ZFAND5: variants seen among roughly 807,000 people sequenced by gnomAD.
ZFAND5 encodes zinc finger AN1-type containing 5, also known as AN1-type zinc finger protein 5.
ZFAND5 carries 4 observed loss-of-function variants against 23.6 expected under a neutral mutation model. The ratio of observed to expected loss-of-function variants is 0.17; its 90% CI spans 0.08 to 0.39. ZFAND5 has a LOEUF of 0.39. Among genes scored for constraint, ZFAND5 ranks in the 10% least tolerant of loss-of-function variants. The probability of loss-of-function intolerance (pLI) is 1.00; values close to 1 mark genes in which losing one functional copy is unlikely to be tolerated. For synonymous variants in ZFAND5, 68 were observed against 80.6 expected, an observed-to-expected ratio of 0.84 and a Z score of 0.84; for missense variants, 161 against 253.7, an observed-to-expected ratio of 0.63 and a Z score of 2.48.
In ZFAND5 at chr9:72,357,192, A is replaced by T. The variant is rs540800856; in HGVS notation, c.368-136T>A. On this transcript the variant is annotated intron_variant, in intron 5 of 6. Transcript: ENST00000376962. ...AGTATTCCTTGAAAATACAAGCTTT[A>T]AACAGAATCTTCCATTTTAACATCA... 3.6e-5 allele frequency: 39 copies of T among 1,070,694 alleles called. No homozygotes were observed. The South Asian group carries it at 6.7e-4, about 18-fold the overall frequency. 66.3% of individuals were successfully genotyped at this position (1,070,694 alleles called of 1,614,324 possible).
Position 72,356,119 on chromosome 9 carries a change from T to C in ZFAND5, c.494-18A>G, listed in dbSNP as rs1445756065. ...GTCAAACCCTGTACAAACGAAGAAG[T>C]AGAGTCATTTGAGAACTTGAGGCAA... On this transcript the variant is annotated intron_variant, in intron 6 of 6. Coordinates refer to ENST00000376962, the MANE Select transcript of ZFAND5 (RefSeq NM_001102420.3). The C allele has an allele frequency of 1.3e-6, 2 of 1,593,736 alleles. No homozygotes were observed. Among genetic ancestry groups the C allele is most frequent in the African/African-American group, 1.4e-5 (1 of 73,356 alleles).
Position 72,356,111 on chromosome 9 carries a change from C to G in ZFAND5, c.494-10G>C, listed in dbSNP as rs192048027. The G allele has an allele frequency of 1.9e-6, 3 of 1,599,696 alleles. No individual in the cohort carries two copies. Among genetic ancestry groups the G allele is most frequent in the Non-Finnish European group, 2.6e-6 (3 of 1,175,752 alleles). On this transcript the variant is annotated splice_polypyrimidine_tract_variant and intron_variant, in intron 6 of 6. Coordinates refer to ENST00000376962, the MANE Select transcript of ZFAND5 (RefSeq NM_001102420.3). ...CATCGGCAGTCAAACCCTGTACAAA[C>G]GAAGAAGTAGAGTCATTTGAGAACT...
chr9:72,361,001 T>G (rs769356140), intron 2 of ZFAND5, among the ~76,000 whole-genome samples: 1 of 152,180 alleles, frequency 6.6e-6, no homozygotes, highest in Admixed American at 6.5e-5. Flanking sequence ...AAAAGAAATT[T>G]TATCAATTAT....
In ZFAND5 at chr9:72,354,327, CTTGA is replaced by C. The variant is rs1402714102; in HGVS notation, c.*1622_*1625del. ...ATACCTGCAAATGCTTCTAATATCTCTTGATTATCACTTGAACAAGTTCAGCGAT... is the reference window on the plus strand; with the variant it reads ...ATACCTGCAAATGCTTCTAATATCTCTTATCACTTGAACAAGTTCAGCGAT... On this transcript the variant is annotated 3_prime_UTR_variant, in exon 7 of 7. Coordinates refer to ENST00000376962, the MANE Select transcript of ZFAND5 (RefSeq NM_001102420.3). 7.9e-5 allele frequency: 12 copies of C among 152,390 alleles called. No individual in the cohort carries two copies. The highest frequency in any genetic ancestry group is 6.2e-4 in the South Asian group (3 of 4,834). The allele number at this position is 152,390 out of a possible 1,614,324, so 9.4% of individuals were successfully genotyped here. A position where few individuals can be genotyped will look rare whatever the true frequency, so the allele number is the denominator to read the frequency against.
chr9:72,358,649 G>GT (rs1842010082), intron 5 of ZFAND5, among the ~76,000 whole-genome samples: 1 of 152,202 alleles, frequency 6.6e-6, no homozygotes, highest in East Asian at 1.9e-4. Context: ...CCTTAACTTT[G>GT]TAAGATTAAT....
Position 72,353,328 on chromosome 9 carries a change from T to C in ZFAND5, c.*2625A>G, listed in dbSNP as rs1841827071. 6.6e-6 allele frequency: 1 copy of C among 152,010 alleles called. No homozygotes were observed. The highest frequency in any genetic ancestry group is 6.6e-5 in the Admixed American group (1 of 15,254). 9.4% of individuals were successfully genotyped at this position (152,010 alleles called of 1,614,324 possible). A position where few individuals can be genotyped will look rare whatever the true frequency, so the allele number is the denominator to read the frequency against. On this transcript the variant is annotated 3_prime_UTR_variant, in exon 7 of 7. Transcript: ENST00000376962. ...TCAATGGACAACCCTGACAAATCTT[T>C]GTTCTGATCTGGTTTAATGTTTCTT...
At chr9:72,360,921 G>A (rs1842077212) in intron 2 of ZFAND5, 134 bp from the exon 3 acceptor site, 2 of 767,004 alleles carry the variant, frequency 2.6e-6, no homozygotes, top group East Asian at 3.1e-5. Flanking sequence ...AAAAAGGGTG[G>A]GCAGAGATAA....
In ZFAND5 at chr9:72,355,637, C is replaced by A. The variant is rs1253733565; in HGVS notation, c.*316G>T. ...TCCCAAAAGGCAGATATGCTGCAAA[C>A]ATGCAGAGATTTCATTTATTTTGTT... is the stretch of plus-strand genomic sequence containing the variant. On this transcript the variant is annotated 3_prime_UTR_variant, in exon 7 of 7. Coordinates refer to ENST00000376962, the MANE Select transcript of ZFAND5 (RefSeq NM_001102420.3). 2 of 186,236 alleles carry A rather than the reference C, an allele frequency of 1.1e-5. No homozygotes were observed. Among genetic ancestry groups the A allele is most frequent in the African/African-American group, 4.7e-5 (2 of 42,524 alleles). 11.5% of individuals were successfully genotyped at this position (186,236 alleles called of 1,614,324 possible).
intron 6 of ZFAND5, 103 bp from the exon 7 acceptor site, chr9:72,356,204 A>G: frequency 7.1e-7 from 1 of 1,399,994 alleles, no homozygotes; most frequent in Non-Finnish European, 9.7e-7. Context: ...ATTGCTTTGT[A>G]ACATAAAAGA....
intron 5 of ZFAND5, among the ~76,000 whole-genome samples, chr9:72,357,681 G>T (rs568545592): frequency 1.3e-5 from 2 of 151,930 alleles, no homozygotes; most frequent in African/African-American, 4.8e-5. Context: ...AAAACAGATC[G>T]GCAAACAGTC....
intron 6 of ZFAND5, 103 bp downstream of exon 6, chr9:72,356,823 CTTTTT>C (rs34407229): frequency 2.8e-4 from 316 of 1,117,988 alleles, no homozygotes; most frequent in South Asian, 2.8e-3. Flanking sequence ...GCTAGTCAGG[CTTTTT>C]TTTTTTTTTT....
chr9:72,356,451 C>T (rs1168803794), intron 6 of ZFAND5, among the ~76,000 whole-genome samples: 2 of 152,190 alleles, frequency 1.3e-5, no homozygotes, highest in African/African-American at 2.4e-5. Context: ...CTCCCTCTAT[C>T]GACTCCTGTA....
At chr9:72,360,259 C>G (rs569200403) in intron 3 of ZFAND5, 38 bp from the exon 4 acceptor site, 1 of 1,526,220 alleles carries the variant, frequency 6.6e-7, no homozygotes. Context: ...CCAATGAACA[C>G]TACAAAAACT....
chr9:72,362,352 C>T (rs886456374), intron 2 of ZFAND5, among the ~76,000 whole-genome samples: 2 of 151,988 alleles, frequency 1.3e-5, no homozygotes, highest in African/African-American at 4.8e-5. Context: ...ATTTGCATGC[C>T]CACCACGCAC....
intron 1 of ZFAND5, 44 bp from the exon 2 acceptor site, chr9:72,363,650 T>A (rs764646615): frequency 1.0e-6 from 1 of 983,528 alleles, no homozygotes; most frequent in Admixed American, 6.1e-5. Context: ...AATCCTTAAT[T>A]TTTTAGGGGG....
In ZFAND5 at chr9:72,360,656, C is replaced by A; in HGVS notation, c.123G>T (p.Gln41His). 1 of 1,613,966 alleles carries A rather than the reference C, an allele frequency of 6.2e-7. No individual in the cohort carries two copies. Among genetic ancestry groups the A allele is most frequent in the East Asian group, 2.2e-5 (1 of 44,884 alleles). ...SVCYKEHLQR[Q>H]QNSGRMSPMG... is the part of the protein sequence containing the mutation. ...TTGGGCTCATTCTGCCACTATTTTG[C>A]TGCCTCTGAAGATGTTCTTTGTAGC... Residue 41 changes from glutamine (Q) to histidine (H), a missense_variant, in exon 3 of 7, where the codon CAG becomes CAT. Gln to His is a conservative substitution (Grantham distance 24). Transcript: ENST00000376962.
Position 72,355,885 on chromosome 9 carries a change from G to A in ZFAND5, c.*68C>T. 2 of 1,455,648 alleles carry A rather than the reference G, an allele frequency of 1.4e-6. No homozygotes were observed. Among genetic ancestry groups the A allele is most frequent in the Non-Finnish European group, 1.9e-6 (2 of 1,075,486 alleles). The allele number at this position is 1,455,648 out of a possible 1,614,324, so 90.2% of individuals were successfully genotyped here. A position where few individuals can be genotyped will look rare whatever the true frequency, so the allele number is the denominator to read the frequency against. ...ATCAAAGAAAAATGGCCATGCATCTGCTCTTTAATGTTTTCCTACGATATA... is the reference window on the plus strand; with the variant it reads ...ATCAAAGAAAAATGGCCATGCATCTACTCTTTAATGTTTTCCTACGATATA... On this transcript the variant is annotated 3_prime_UTR_variant, in exon 7 of 7. Transcript: ENST00000376962.
At chr9:72,364,551 G>T in intron 1 of ZFAND5, 145 bp downstream of exon 1, 1 of 1,273,534 alleles carries the variant, frequency 7.9e-7, no homozygotes, top group Non-Finnish European at 1.0e-6. Flanking sequence ...TCCTGGGCTG[G>T]CGGGCGGGCT....
At chr9:72,363,742 T>TA (rs532380514) in intron 1 of ZFAND5, 136 bp from the exon 2 acceptor site, 78 of 678,094 alleles carry the variant, frequency 1.2e-4, no homozygotes, top group Middle Eastern at 7.5e-4. Flanking sequence ...GCCTACTCTT[T>TA]AAAAAAAATC....
Sources: allele counts gnomAD v4.1 joint callset (sites outside exome capture counted in the v4.1 genomes callset), GRCh38; gene constraint gnomAD v4.1.1; transcripts MANE v1.5; gene names NCBI Gene and HGNC (gene_info 2026-07-23, HGNC 2026-07-21).